The following RAI1 variants were observed in gnomAD, a reference collection of about 807,000 sequenced individuals.
The protein encoded by RAI1 is retinoic acid-induced protein 1.
RAI1 carries 9 observed loss-of-function variants against 123.8 expected under a neutral mutation model. That is an observed-to-expected ratio of 0.07 (90% CI 0.04 to 0.13). The LOEUF is 0.13. Ranked by LOEUF, RAI1 falls within the 10% of genes least tolerant of loss-of-function variation. The pLI is 1.00. For missense variants in RAI1, 2,256 were observed against 2,545.8 expected (o/e 0.89, Z 2.45); for synonymous variants, 1,231 against 1,127.3 (o/e 1.09, Z -1.84).
intron 2 of RAI1, among the ~76,000 whole-genome samples, chr17:17,750,306 C>T (rs1457599659): frequency 6.6e-6 from 1 of 152,188 alleles, no homozygotes; most frequent in Non-Finnish European, 1.5e-5. Flanking sequence ...TGTTGTAAGC[C>T]CTTTTCTCAA....
At chr17:17,768,214 A>G (rs1185762486) in intron 2 of RAI1, among the ~76,000 whole-genome samples, 1 of 152,180 alleles carries the variant, frequency 6.6e-6, no homozygotes, top group Non-Finnish European at 1.5e-5. Flanking sequence ...CCCATGGTCT[A>G]GCCAGGACTA....
At chr17:17,732,547 CTTCT>C (rs951619881) in intron 2 of RAI1, among the ~76,000 whole-genome samples, 3 of 152,160 alleles carry the variant, frequency 2.0e-5, no homozygotes, top group Admixed American at 2.0e-4. Flanking sequence ...GGTTTGCAGG[CTTCT>C]TTAAGAATCT....
At chr17:17,746,602 C>T (rs2142977543) in intron 2 of RAI1, among the ~76,000 whole-genome samples, 1 of 151,516 alleles carries the variant, frequency 6.6e-6, no homozygotes, top group East Asian at 1.9e-4. Flanking sequence ...CCCAGAGCAC[C>T]ATATGTGTTT....
Position 17,809,598 on chromosome 17 carries a change from C to T in RAI1, c.5709+159C>T, listed in dbSNP as rs553968373. Among the ~76,000 whole-genome samples, 2 of 152,214 alleles carry T rather than the reference C, an allele frequency of 1.3e-5. No homozygotes were observed. The highest frequency in any genetic ancestry group is 1.5e-5 in the Non-Finnish European group (1 of 67,988). On this transcript the variant is annotated intron_variant, in intron 5 of 5. Coordinates refer to ENST00000353383, the MANE Select transcript of RAI1 (RefSeq NM_030665.4). The surrounding 1 kb of genome is among the most constrained non-coding windows in gnomAD (Gnocchi z 4.9). ...CTCCCCGCCCACCCCCAGGAGCCCC[C>T]GCCGCCGTCCAGCTCAGGTCCCTGT...
intron 2 of RAI1, among the ~76,000 whole-genome samples, chr17:17,772,617 C>T (rs935166557): frequency 2.0e-5 from 3 of 152,232 alleles, no homozygotes; most frequent in African/African-American, 7.2e-5. Flanking sequence ...ACTACTATCT[C>T]TCACTCTCTC....
intron 2 of RAI1, among the ~76,000 whole-genome samples, chr17:17,729,917 G>C (rs955899523): frequency 1.3e-5 from 2 of 152,194 alleles, no homozygotes; most frequent in African/African-American, 2.4e-5. Context: ...AGAAGGGAGA[G>C]ATGTTTCTGC....
chr17:17,716,428 C>T (rs1397715769), intron 1 of RAI1, among the ~76,000 whole-genome samples: 1 of 152,290 alleles, frequency 6.6e-6, no homozygotes, highest in East Asian at 1.9e-4. Flanking sequence ...CTGCATGTAG[C>T]TGTGTGTGTA....
At chr17:17,775,786 G>A (rs1226807089) in intron 2 of RAI1, among the ~76,000 whole-genome samples, 2 of 152,238 alleles carry the variant, frequency 1.3e-5, no homozygotes, top group East Asian at 1.9e-4. Flanking sequence ...AGGCACACTC[G>A]GTGTAACCTT....
chr17:17,794,313 C>T lies in RAI1; in HGVS notation c.1365C>T (p.Ser455=), dbSNP rs748499826. The change falls in exon 3 of 6, where the codon TCC becomes TCT. Residue 455 remains serine, a synonymous_variant. Transcript: ENST00000353383. ...ACACCGTCCAGCAGCTGCTGCTCTC[C>T]AAGGCTGCTGTGCCGCAGAAGAAAG... ...ISNTVQQLLL[S]KAAVPQKKGV... is the part of the protein sequence containing the mutation. 1.2e-6 allele frequency: 2 copies of T among 1,613,242 alleles called. No homozygotes were observed. The highest frequency in any genetic ancestry group is 1.7e-6 in the Non-Finnish European group (2 of 1,180,038).
At chr17:17,754,797 T>C (rs2030367141) in intron 2 of RAI1, among the ~76,000 whole-genome samples, 1 of 152,114 alleles carries the variant, frequency 6.6e-6, no homozygotes, top group African/African-American at 2.4e-5. Context: ...AGGGCAAGGG[T>C]GCAAGGCCCG....
rs1256621621 is a variant in RAI1, at chr17:17,793,760, C to T, written c.812C>T (p.Ser271Leu). Residue 271 changes from serine to leucine, a missense_variant, in exon 3 of 6, where the codon TCG becomes TTG. Ser to Leu is a moderately radical substitution (Grantham distance 145). Around this residue, in one of 7 missense-constraint regions of RAI1, gnomAD observed 357 missense variants for 480.2 expected, o/e 0.74. Transcript: ENST00000353383. ...GTCCAGAATCTTCATGCCTACCAGT[C>T]GGGCCGCCTCAGCTATGACCAGCAG... ...QRVQNLHAYQ[S>L]GRLSYDQQQQ... is the part of the protein sequence containing the mutation. 13 of 1,610,676 alleles carry T rather than the reference C, an allele frequency of 8.1e-6. No homozygotes were observed. Among genetic ancestry groups the T allele is most frequent in the African/African-American group, 6.8e-5 (5 of 73,916 alleles).
chr17:17,805,396 A>T (rs2032576409), intron 4 of RAI1, among the ~76,000 whole-genome samples: 1 of 151,882 alleles, frequency 6.6e-6, no homozygotes, highest in Non-Finnish European at 1.5e-5. Context: ...AGCCTCTGTG[A>T]CCTCTCCCCG....
At chr17:17,754,008 T>C (rs1300540049) in intron 2 of RAI1, among the ~76,000 whole-genome samples, 2 of 152,086 alleles carry the variant, frequency 1.3e-5, no homozygotes, top group Non-Finnish European at 2.9e-5. Context: ...GGAGACCTAT[T>C]TGGGGAAAGG....
intron 2 of RAI1, chr17:17,766,358 G>A (rs1454240275): frequency 6.6e-6 from 1 of 152,238 alleles, no homozygotes; most frequent in Non-Finnish European, 1.5e-5. Flanking sequence ...GGCGCTCTAT[G>A]TAAATTGTTT....
rs566090353 is a variant in RAI1 at position 17,780,915 on chromosome 17, C to A, written c.-16-12018C>A. Among the ~76,000 whole-genome samples, 40 of 152,340 alleles carry A rather than the reference C, an allele frequency of 2.6e-4. No individual in the cohort carries two copies. The Middle Eastern group carries it at 0.01, about 39-fold the overall frequency. ...GCCAGCCTTGCTTTCTGGGCAGGCC[C>A]AGGAGTGTCCCGGGCCCAGCACTCA... On this transcript the variant is annotated intron_variant, in intron 2 of 5. Transcript: ENST00000353383.
chr17:17,756,180 A>T (rs1371973090), intron 2 of RAI1, among the ~76,000 whole-genome samples: 2 of 151,476 alleles, frequency 1.3e-5, no homozygotes, highest in African/African-American at 2.4e-5. Flanking sequence ...GTGCCTGGCC[A>T]CAGCAGGAGT....
At chr17:17,706,896 C>T (rs989606989) in intron 1 of RAI1, among the ~76,000 whole-genome samples, 8 of 152,362 alleles carry the variant, frequency 5.3e-5, no homozygotes, top group African/African-American at 1.9e-4. Flanking sequence ...TTAATCCATG[C>T]ATTTGAAACA....
At chr17:17,748,855 A>G (rs1250760627) in intron 2 of RAI1, among the ~76,000 whole-genome samples, 1 of 152,140 alleles carries the variant, frequency 6.6e-6, no homozygotes, top group African/African-American at 2.4e-5. Context: ...TGGTCCCGCT[A>G]CAAATCACTG....
chr17:17,783,350 A>AGGC (rs1456182307), intron 2 of RAI1, among the ~76,000 whole-genome samples: 1 of 151,334 alleles, frequency 6.6e-6, no homozygotes, highest in South Asian at 2.1e-4. Context: ...TGGGCTGCGG[A>AGGC]GGCGGCGGCG....
Sources: allele counts gnomAD v4.1 joint callset (sites outside exome capture counted in the v4.1 genomes callset), GRCh38; gene constraint gnomAD v4.1.1; regional missense constraint gnomAD v4.1.1; non-coding constraint Gnocchi (gnomAD v3.1); transcripts MANE v1.5; gene names NCBI Gene and HGNC (gene_info 2026-07-23, HGNC 2026-07-21).